Variants in RGS8 observed in about 807,000 individuals in gnomAD.
The protein encoded by RGS8 is regulator of G-protein signaling 8.
Under a neutral mutation model 21.7 loss-of-function variants are expected in RGS8, and 8 were observed. The ratio of observed to expected loss-of-function variants is 0.37; its 90% CI spans 0.22 to 0.66. The LOEUF is 0.66. Ranked by LOEUF, RGS8 falls within the 30% of genes least tolerant of loss-of-function variation. The pLI, the probability that RGS8 is intolerant of heterozygous loss-of-function variation, is 0.59. For synonymous variants in RGS8, 80 were observed against 83.6 expected (o/e 0.96, Z 0.24); for missense variants, 157 against 217.9 (o/e 0.72, Z 1.76).
At chr1:182,699,104 C>A in the RGS8 span, among the ~76,000 whole-genome samples, 1 of 152,162 alleles carries the variant, frequency 6.6e-6, no homozygotes, top group African/African-American at 2.4e-5. Flanking sequence ...TTATGACTTG[C>A]GCATTTTGAT....
At chr1:182,674,909 C>T (rs1344095173), upstream of RGS8, among the ~76,000 whole-genome samples, 1 of 152,150 alleles carries the variant, frequency 6.6e-6, no homozygotes, top group Non-Finnish European at 1.5e-5. Context: ...GGCTGTCCTG[C>T]CCGCCTCTGA....
chr1:182,683,426 G>A (rs1664603367), intron 1 of RGS8, among the ~76,000 whole-genome samples: 1 of 152,164 alleles, frequency 6.6e-6, no homozygotes, highest in South Asian at 2.1e-4. Flanking sequence ...CTTCAAATCT[G>A]TAAGAACAAA....
intron 1 of RGS8, among the ~76,000 whole-genome samples, chr1:182,682,058 T>C (rs983097073): frequency 1.3e-5 from 2 of 152,128 alleles, no homozygotes; most frequent in South Asian, 4.1e-4. Context: ...TCTCTAGAAA[T>C]GTAGGTGTTT....
chr1:182,699,729 A>G, the RGS8 span, among the ~76,000 whole-genome samples: 1 of 152,138 alleles, frequency 6.6e-6, no homozygotes, highest in South Asian at 2.1e-4. Flanking sequence ...TACAGGCAAA[A>G]TCCCCTGAGA....
intron 3 of RGS8, 89 bp downstream of exon 4, chr1:182,669,535 T>C (rs1294122365): frequency 6.3e-7 from 1 of 1,596,058 alleles, no homozygotes; most frequent in Non-Finnish European, 8.6e-7. Flanking sequence ...CTCAGAAGGC[T>C]TGGGCCAGAC....
chr1:182,661,882 A>G (rs1374461417), intron 5 of RGS8, among the ~76,000 whole-genome samples: 1 of 152,038 alleles, frequency 6.6e-6, no homozygotes, highest in Non-Finnish European at 1.5e-5. Context: ...ACTCACAGAC[A>G]TGGAGCCTAA....
the RGS8 span, among the ~76,000 whole-genome samples, chr1:182,707,284 T>C: frequency 8.5e-5 from 13 of 152,172 alleles, no homozygotes; most frequent in African/African-American, 2.9e-4. Context: ...GACAACCTTT[T>C]GTACTTTGCT....
chr1:182,707,741 C>A, the RGS8 span, among the ~76,000 whole-genome samples: 1 of 152,176 alleles, frequency 6.6e-6, no homozygotes, highest in Non-Finnish European at 1.5e-5. Flanking sequence ...TGGAGTCGCT[C>A]TGTCGCCCAG....
chr1:182,665,892 A>G (rs1185648942), intron 5 of RGS8, 77 bp downstream of exon 6: 5 of 1,291,134 alleles, frequency 3.9e-6, no homozygotes, highest in Non-Finnish European at 5.6e-6. Context: ...ACCTGCCTGG[A>G]TCATCACAGG....
At chr1:182,731,060 T>C in the RGS8 span, among the ~76,000 whole-genome samples, 2 of 152,180 alleles carry the variant, frequency 1.3e-5, no homozygotes, top group African/African-American at 4.8e-5. Flanking sequence ...TGACCTGCAT[T>C]CTATCTTCCT....
intron 6 of RGS8, among the ~76,000 whole-genome samples, chr1:182,647,315 T>C (rs1323591218): frequency 6.6e-6 from 1 of 152,196 alleles, no homozygotes; most frequent in East Asian, 1.9e-4. Flanking sequence ...TTCTGTCCTC[T>C]CCTTTCTTGT....
At chr1:182,646,668 T>G (rs1662715335) in exon 7 of RGS8, 2 of 1,413,308 alleles carry the variant, frequency 1.4e-6, no homozygotes, top group South Asian at 1.3e-5. Context: ...ACATTTCACA[T>G]TAGAATATGA....
intron 6 of RGS8, among the ~76,000 whole-genome samples, chr1:182,647,812 T>C (rs1571304625): frequency 6.6e-6 from 1 of 152,284 alleles, no homozygotes; most frequent in Non-Finnish European, 1.5e-5. Flanking sequence ...AGATCCACAT[T>C]TCATTAAGCT....
At chr1:182,746,982 G>C in the RGS8 span, among the ~76,000 whole-genome samples, 13 of 140,580 alleles carry the variant, frequency 9.2e-5, no homozygotes, top group East Asian at 2.7e-3. Context: ...TAGCTCACTG[G>C]ATCCTCCTGT....
At position 182,646,837 on chromosome 1, in the gene RGS8, T is replaced by C; in HGVS notation, c.441A>G (p.Gln147=). ...TCTCCATGAGGCTGTGTACTTTTCC[T>C]TGGGCTTGGTCAAAGCAAGTCAGGG... is the stretch of plus-strand genomic sequence containing the variant. Residue 147 remains glutamine, a synonymous_variant, in exon 7 of 7, where the codon CAA becomes CAG. Transcript: ENST00000483095. The C allele has an allele frequency of 2.5e-6, 4 of 1,614,152 alleles. No homozygotes were observed. The South Asian group carries it at 3.3e-5, about 13-fold the overall frequency.
At chr1:182,691,237 A>G in the RGS8 span, among the ~76,000 whole-genome samples, 1 of 152,226 alleles carries the variant, frequency 6.6e-6, no homozygotes, top group Non-Finnish European at 1.5e-5. Context: ...ATGTTTTGTT[A>G]CACACCAAAA....
At chr1:182,705,919 C>T in the RGS8 span, among the ~76,000 whole-genome samples, 12 of 152,328 alleles carry the variant, frequency 7.9e-5, no homozygotes, top group African/African-American at 2.9e-4. Flanking sequence ...AGGCCCTCTC[C>T]TCAGTGTCAG....
intron 5 of RGS8, among the ~76,000 whole-genome samples, chr1:182,654,185 T>C (rs1384364943): frequency 1.3e-5 from 2 of 152,172 alleles, no homozygotes; most frequent in Non-Finnish European, 2.9e-5. Flanking sequence ...CCAAGATTCC[T>C]AGCCAGGTCC....
chr1:182,740,138 TCCATCTGTGC>T, the RGS8 span, among the ~76,000 whole-genome samples: 1 of 152,212 alleles, frequency 6.6e-6, no homozygotes, highest in Non-Finnish European at 1.5e-5. Context: ...AATCCTAGTT[TCCATCTGTGC>T]ACATGTTGTG....
Sources: allele counts gnomAD v4.1 joint callset (sites outside exome capture counted in the v4.1 genomes callset), GRCh38; gene constraint gnomAD v4.1.1; transcripts MANE v1.5; gene names NCBI Gene and HGNC (gene_info 2026-07-23, HGNC 2026-07-21).